CD96: variants seen among roughly 807,000 people sequenced by gnomAD.
The protein encoded by CD96 is T-cell surface protein tactile.
A neutral mutation model predicts 71.3 loss-of-function variants in CD96; 70 were observed. The observed-to-expected ratio is 0.98, with a 90% confidence interval of 0.81 to 1.20. The LOEUF is 1.20. Ranked by LOEUF, CD96 falls within the 50% of genes most tolerant of loss-of-function variation. CD96 has a pLI of 0.00. For missense variants in CD96, 742 were observed against 677.5 expected (o/e 1.10, Z -1.06); for synonymous variants, 248 against 233.0 (o/e 1.06, Z -0.59).
At chr3:111,573,055 C>T (rs1308825177) in intron 3 of CD96, among the ~76,000 whole-genome samples, 3 of 152,076 alleles carry the variant, frequency 2.0e-5, no homozygotes, top group Non-Finnish European at 2.9e-5. Flanking sequence ...TAATAATCTA[C>T]GTGAATGGAG....
intron 7 of CD96, among the ~76,000 whole-genome samples, chr3:111,604,715 CTG>C (rs1370417018): frequency 6.6e-6 from 1 of 152,184 alleles, no homozygotes; most frequent in African/African-American, 2.4e-5. Context: ...ATTGTGGAAA[CTG>C]AGCATAACGC....
At position 111,594,591 on chromosome 3, in the gene CD96, T is replaced by C. The variant is rs1281753793; in HGVS notation, c.808-3529T>C. 2.2e-5 allele frequency: 4 copies of C among 183,966 alleles called. No homozygotes were observed. The East Asian group carries it at 5.0e-4, about 23-fold the overall frequency. 11.4% of individuals were successfully genotyped at this position (183,966 alleles called of 1,614,324 possible). On this transcript the variant is annotated intron_variant, in intron 5 of 13. Transcript: ENST00000352690. ...CCACCACGACAGGTATTTTTGAATA[T>C]TGAAAATTTTAGGTTTTCTTGTTTC...
rs1236860129 is a variant in CD96 at position 111,647,685 on chromosome 3, T to G, written c.1601+19T>G. 1 of 1,565,860 alleles carries G rather than the reference T, an allele frequency of 6.4e-7. No individual in the cohort carries two copies. Among genetic ancestry groups the G allele is most frequent in the Non-Finnish European group, 8.8e-7 (1 of 1,136,750 alleles). ...AAGAAATGTGAGTATAATACTAACA[T>G]ATGTAGGAACAGATTAATTTTTCAT... On this transcript the variant is annotated intron_variant, in intron 13 of 13. Coordinates refer to ENST00000352690, the MANE Select transcript of CD96 (RefSeq NM_005816.5).
downstream of CD96, among the ~76,000 whole-genome samples, chr3:111,655,863 G>T (rs1028675332): frequency 2.0e-5 from 3 of 151,198 alleles, no homozygotes; most frequent in East Asian, 5.8e-4. Flanking sequence ...ACATATATAT[G>T]TACAGTTATA....
At chr3:111,656,394 A>C (rs908513661), downstream of CD96, among the ~76,000 whole-genome samples, 2 of 152,218 alleles carry the variant, frequency 1.3e-5, no homozygotes, top group Non-Finnish European at 2.9e-5. Flanking sequence ...ATGCACACTC[A>C]TATACTGCTG....
At chr3:111,599,306 A>C (rs1009415669) in intron 6 of CD96, among the ~76,000 whole-genome samples, 1 of 152,296 alleles carries the variant, frequency 6.6e-6, no homozygotes, top group Non-Finnish European at 1.5e-5. Context: ...TTGAAAGCTT[A>C]TGTTAATGAG....
chr3:111,584,924 A>G (rs148790677), intron 4 of CD96, among the ~76,000 whole-genome samples: 277 of 152,160 alleles, frequency 1.8e-3, no homozygotes, highest in African/African-American at 6.3e-3. Context: ...ATTTTACTTG[A>G]CTCATCACTG....
In CD96 at chr3:111,577,341, G is replaced by T. The variant is rs115402397; in HGVS notation, c.544-1686G>T. ...TACCTGTGCCAAAAGATCTGCAGGGGGTACCTGCCTTCTTAATTATTGACC... is the reference window on the plus strand; with the variant it reads ...TACCTGTGCCAAAAGATCTGCAGGGTGTACCTGCCTTCTTAATTATTGACC... On this transcript the variant is annotated intron_variant, in intron 3 of 13. Coordinates refer to ENST00000352690, the MANE Select transcript of CD96 (RefSeq NM_005816.5). Among the ~76,000 whole-genome samples, 365 of 152,238 alleles carry T rather than the reference G, an allele frequency of 2.4e-3. 2 individuals carry two copies. The highest frequency in any genetic ancestry group is 8.5e-3 in the African/African-American group (353 of 41,538).
At chr3:111,628,225 G>A (rs908733870) in intron 10 of CD96, among the ~76,000 whole-genome samples, 1 of 152,152 alleles carries the variant, frequency 6.6e-6, no homozygotes, top group Non-Finnish European at 1.5e-5. Flanking sequence ...TAAAAATGAA[G>A]TTCACTGAGC....
At chr3:111,550,346 G>A (rs1934634012) in intron 2 of CD96, among the ~76,000 whole-genome samples, 1 of 152,114 alleles carries the variant, frequency 6.6e-6, no homozygotes, top group African/African-American at 2.4e-5. Flanking sequence ...CAAGAAATCT[G>A]CCAGTAGTAA....
At chr3:111,625,631 T>C (rs991957934) in intron 10 of CD96, among the ~76,000 whole-genome samples, 7 of 152,164 alleles carry the variant, frequency 4.6e-5, no homozygotes, top group Admixed American at 2.0e-4. Context: ...CTCTATATAG[T>C]TTAAGATCTT....
At chr3:111,657,260 A>T (rs547545467), downstream of CD96, among the ~76,000 whole-genome samples, 8 of 152,176 alleles carry the variant, frequency 5.3e-5, no homozygotes, top group African/African-American at 1.9e-4. Context: ...TCTACTAAAA[A>T]TACAAAAATT....
intron 10 of CD96, among the ~76,000 whole-genome samples, chr3:111,626,695 A>C (rs2107720596): frequency 6.6e-6 from 1 of 152,350 alleles, no homozygotes; most frequent in South Asian, 2.1e-4. Context: ...CATAGTCAGG[A>C]GGACAGATAA....
chr3:111,657,224 C>T (rs545565337), downstream of CD96, among the ~76,000 whole-genome samples: 2 of 152,056 alleles, frequency 1.3e-5, no homozygotes, highest in Non-Finnish European at 2.9e-5. Context: ...TTGAGACCAG[C>T]CTGGCCAACA....
At chr3:111,609,438 T>C (rs1937794307) in intron 8 of CD96, among the ~76,000 whole-genome samples, 1 of 152,034 alleles carries the variant, frequency 6.6e-6, no homozygotes, top group South Asian at 2.1e-4. Flanking sequence ...AATACAGCAA[T>C]GAACAAAACT....
At chr3:111,549,629 T>C (rs1458439933) in intron 2 of CD96, among the ~76,000 whole-genome samples, 1 of 152,086 alleles carries the variant, frequency 6.6e-6, no homozygotes, top group Non-Finnish European at 1.5e-5. Flanking sequence ...TAGAAGAATG[T>C]TTAGATTAGA....
intron 2 of CD96, among the ~76,000 whole-genome samples, chr3:111,563,475 A>G (rs957945151): frequency 1.3e-5 from 2 of 152,252 alleles, no homozygotes; most frequent in African/African-American, 4.8e-5. Context: ...GAGCTGAGGC[A>G]AAAAGATTGA....
At chr3:111,568,652 A>T (rs904849782) in intron 3 of CD96, among the ~76,000 whole-genome samples, 1 of 152,208 alleles carries the variant, frequency 6.6e-6, no homozygotes, top group Non-Finnish European at 1.5e-5. Flanking sequence ...CTTAGTCTAC[A>T]TTGTTCTGCC....
intron 5 of CD96, among the ~76,000 whole-genome samples, chr3:111,591,371 TAA>T (rs3082283): frequency 0.087 from 7,660 of 87,978 alleles, 247 homozygotes; most frequent in East Asian, 0.14. Flanking sequence ...GACTCCATCT[TAA>T]AAAAAAAAAA....
Sources: gnomAD v4.1 joint callset for allele counts (sites outside exome capture counted in the v4.1 genomes callset) on GRCh38, gnomAD v4.1.1 for gene constraint, MANE v1.5 for transcripts, NCBI Gene and HGNC (gene_info 2026-07-23, HGNC 2026-07-21) for gene names.